The following CTNNA2 variants were observed in gnomAD, a reference collection of about 807,000 sequenced individuals.
CTNNA2 encodes the protein catenin alpha 2.
CTNNA2 carries 42 observed loss-of-function variants against 101.0 expected under a neutral mutation model. That is an observed-to-expected ratio of 0.42 (90% CI 0.32 to 0.54). CTNNA2 has a LOEUF of 0.54. Ranked by LOEUF, CTNNA2 falls within the 20% of genes least tolerant of loss-of-function variation. The probability of loss-of-function intolerance (pLI) is 0.14; values close to 1 mark genes in which losing one functional copy is unlikely to be tolerated. For missense variants in CTNNA2, 871 were observed against 1,223.1 expected (o/e 0.71, Z 4.29); for synonymous variants, 450 against 456.4 (o/e 0.99, Z 0.18).
intron 7 of CTNNA2, among the ~76,000 whole-genome samples, chr2:80,388,939 A>T (rs1348172722): frequency 6.6e-6 from 1 of 152,196 alleles, no homozygotes; most frequent in Non-Finnish European, 1.5e-5. Flanking sequence ...TAAAAGACTG[A>T]ACTGGAGATT....
chr2:80,476,259 C>G (rs368035434), intron 9 of CTNNA2, among the ~76,000 whole-genome samples: 1 of 152,196 alleles, frequency 6.6e-6, no homozygotes, highest in South Asian at 2.1e-4. Flanking sequence ...GGGACACTCT[C>G]TCATGTTCAT....
At chr2:80,439,643 T>C (rs536020881) in intron 9 of CTNNA2, among the ~76,000 whole-genome samples, 39 of 152,308 alleles carry the variant, frequency 2.6e-4, no homozygotes, top group Middle Eastern at 3.4e-3. Context: ...TCAGGGAATC[T>C]GCCTGCCTTG....
chr2:79,594,409 T>C (rs1677060047), intron 1 of CTNNA2, among the ~76,000 whole-genome samples: 1 of 152,310 alleles, frequency 6.6e-6, no homozygotes, highest in African/African-American at 2.4e-5. Context: ...TTTGTTATTA[T>C]TTCTTCATCT....
intron 7 of CTNNA2, among the ~76,000 whole-genome samples, chr2:80,172,295 T>C (rs577055035): frequency 6.6e-6 from 1 of 152,332 alleles, no homozygotes; most frequent in African/African-American, 2.4e-5. Flanking sequence ...TAGCAATATA[T>C]AATTTCTCCC....
intron 3 of CTNNA2, among the ~76,000 whole-genome samples, chr2:79,368,826 G>T (rs1463923024): frequency 1.3e-5 from 2 of 152,292 alleles, no homozygotes; most frequent in East Asian, 1.9e-4. Flanking sequence ...CCAGTCACTT[G>T]TGTCCCTGGG....
At chr2:79,532,497 C>G (rs1672805971) in intron 1 of CTNNA2, among the ~76,000 whole-genome samples, 1 of 152,100 alleles carries the variant, frequency 6.6e-6, no homozygotes, top group Non-Finnish European at 1.5e-5. Flanking sequence ...TGCTTTAATA[C>G]TTTAAAAATT....
rs147244850 is a variant in CTNNA2, at chr2:79,907,901, C to G, written c.853-1693C>G. ...CTGTTCCTTTCTAAGTCCCAACCTA[C>G]CTACACTCATTCCTTAAGACTTCAA... On this transcript the variant is annotated intron_variant, in intron 6 of 18. Coordinates refer to ENST00000402739, the MANE Select transcript of CTNNA2 (RefSeq NM_001282597.3). Among the ~76,000 whole-genome samples the G allele has an allele frequency of 2.0e-5, 3 of 152,290 alleles. No individual in the cohort carries two copies. In the East Asian group the frequency reaches 5.8e-4, roughly 29 times the overall value.
chr2:79,301,619 G>T (rs900904066), intron 2 of CTNNA2, among the ~76,000 whole-genome samples: 10 of 152,002 alleles, frequency 6.6e-5, no homozygotes, highest in African/African-American at 2.4e-4. Flanking sequence ...TTCATCACCT[G>T]GCATATACCA....
chr2:79,275,331 G>T (rs780187529), intron 2 of CTNNA2, among the ~76,000 whole-genome samples: 47 of 151,894 alleles, frequency 3.1e-4, no homozygotes, highest in Non-Finnish European at 5.9e-4. Flanking sequence ...GACTGATACG[G>T]GAATGGCCAA....
intron 7 of CTNNA2, among the ~76,000 whole-genome samples, chr2:79,963,719 A>G (rs1179945396): frequency 1.3e-5 from 2 of 152,200 alleles, no homozygotes; most frequent in Non-Finnish European, 2.9e-5. Flanking sequence ...TGGGCTAAGT[A>G]ATTACTTTGC....
At chr2:79,195,656 C>T (rs1673949873) in intron 1 of CTNNA2, among the ~76,000 whole-genome samples, 1 of 152,180 alleles carries the variant, frequency 6.6e-6, no homozygotes, top group Non-Finnish European at 1.5e-5. Flanking sequence ...CTCTGCAGTG[C>T]TTTCACAGCC....
chr2:79,360,296 T>C (rs1677598536), intron 3 of CTNNA2, among the ~76,000 whole-genome samples: 1 of 152,118 alleles, frequency 6.6e-6, no homozygotes, highest in Non-Finnish European at 1.5e-5. Flanking sequence ...AAGAAGTGGG[T>C]CTGGAAAGAT....
chr2:79,306,599 G>C (rs1304471559), intron 2 of CTNNA2, among the ~76,000 whole-genome samples: 1 of 152,164 alleles, frequency 6.6e-6, no homozygotes, highest in Non-Finnish European at 1.5e-5. Context: ...AGGTATTGCA[G>C]ACAATGCTGA....
chr2:79,401,161 G>A (rs770701719), intron 4 of CTNNA2, among the ~76,000 whole-genome samples: 19 of 151,496 alleles, frequency 1.3e-4, no homozygotes, highest in East Asian at 1.9e-4. Flanking sequence ...TGAATACTCC[G>A]GGGATAGATA....
intron 2 of CTNNA2, among the ~76,000 whole-genome samples, chr2:79,219,522 A>C (rs1674314594): frequency 6.6e-6 from 1 of 152,160 alleles, no homozygotes; most frequent in Non-Finnish European, 1.5e-5. Context: ...TTTATTTGTT[A>C]AACTTGTGAG....
intron 7 of CTNNA2, among the ~76,000 whole-genome samples, chr2:80,057,546 G>T (rs1218743620): frequency 6.6e-6 from 1 of 152,136 alleles, no homozygotes; most frequent in Non-Finnish European, 1.5e-5. Context: ...TTGCATCTGG[G>T]CCCAGTACTT....
chr2:79,811,417 G>T (rs1558949939), intron 3 of CTNNA2, among the ~76,000 whole-genome samples: 2 of 152,202 alleles, frequency 1.3e-5, no homozygotes, highest in Non-Finnish European at 2.9e-5. Context: ...GTAGATTCTG[G>T]ATATTAGCCC....
At chr2:79,675,542 A>G (rs1385296935) in intron 2 of CTNNA2, among the ~76,000 whole-genome samples, 1 of 152,188 alleles carries the variant, frequency 6.6e-6, no homozygotes, top group Non-Finnish European at 1.5e-5. Flanking sequence ...TTGCTGAAAC[A>G]TTTGCACAGA....
chr2:80,087,475 T>C (rs1699515648), intron 7 of CTNNA2, among the ~76,000 whole-genome samples: 1 of 152,070 alleles, frequency 6.6e-6, no homozygotes, highest in Non-Finnish European at 1.5e-5. Flanking sequence ...TGCAGGTCTG[T>C]GTAAATACGG....
Sources: gnomAD v4.1 joint callset for allele counts (sites outside exome capture counted in the v4.1 genomes callset) on GRCh38, gnomAD v4.1.1 for gene constraint, MANE v1.5 for transcripts, NCBI Gene and HGNC (gene_info 2026-07-23, HGNC 2026-07-21) for gene names.